MCTP1: variants seen among roughly 807,000 people sequenced by gnomAD.
MCTP1 encodes multiple C2 and transmembrane domain-containing protein 1.
In MCTP1, 69 loss-of-function variants were observed where a neutral mutation model predicts 120.6. That is an observed-to-expected ratio of 0.57 (90% CI 0.47 to 0.70). The LOEUF (loss-of-function observed/expected upper bound fraction) is 0.70, where lower values mean the gene tolerates loss of function less well. Among genes scored for constraint, MCTP1 ranks in the 30% least tolerant of loss-of-function variants. The probability of loss-of-function intolerance (pLI) is 0.00; values close to 1 mark genes in which losing one functional copy is unlikely to be tolerated. For missense variants in MCTP1, 1,203 were observed against 1,248.8 expected (o/e 0.96, Z 0.55); for synonymous variants, 529 against 493.1 (o/e 1.07, Z -0.96).
chr5:95,154,453 G>A (rs1055426607), intron 1 of MCTP1, among the ~76,000 whole-genome samples: 1 of 152,234 alleles, frequency 6.6e-6, no homozygotes, highest in South Asian at 2.1e-4. Flanking sequence ...AATAGAATGA[G>A]ATGAACTATA....
At chr5:94,721,846 T>TG (rs1339590035) in intron 19 of MCTP1, among the ~76,000 whole-genome samples, 2 of 40,556 alleles carry the variant, frequency 4.9e-5, no homozygotes, top group Non-Finnish European at 1.2e-4. Flanking sequence ...ACTGTTTTGT[T>TG]TTTTTTTTTT....
intron 5 of MCTP1, among the ~76,000 whole-genome samples, chr5:94,933,631 G>T (rs1266951558): frequency 2.0e-5 from 3 of 151,704 alleles, no homozygotes; most frequent in Non-Finnish European, 4.4e-5. Flanking sequence ...ACAATTCATG[G>T]TCACTTATCA....
At chr5:94,955,991 G>C (rs1244963683) in intron 2 of MCTP1, among the ~76,000 whole-genome samples, 1 of 152,226 alleles carries the variant, frequency 6.6e-6, no homozygotes, top group East Asian at 1.9e-4. Flanking sequence ...CCCAGCAGGG[G>C]TCGACAGACA....
At chr5:94,734,577 C>T (rs1460923507) in intron 19 of MCTP1, among the ~76,000 whole-genome samples, 1 of 152,094 alleles carries the variant, frequency 6.6e-6, no homozygotes, top group African/African-American at 2.4e-5. Context: ...CCCACTTCAG[C>T]CTCCCAAGTA....
chr5:95,278,800 T>G (rs1760070375), intron 1 of MCTP1, among the ~76,000 whole-genome samples: 1 of 151,288 alleles, frequency 6.6e-6, no homozygotes. Flanking sequence ...CCGTCTCTAC[T>G]AAAAATACAA....
chr5:94,892,643 G>A (rs1390192698), intron 11 of MCTP1, among the ~76,000 whole-genome samples: 1 of 152,212 alleles, frequency 6.6e-6, no homozygotes, highest in Admixed American at 6.5e-5. Context: ...AACAGCAATG[G>A]AGGGCTTTTT....
At chr5:94,837,666 T>C (rs1432417158) in intron 17 of MCTP1, among the ~76,000 whole-genome samples, 3 of 152,200 alleles carry the variant, frequency 2.0e-5, no homozygotes, top group East Asian at 3.8e-4. Flanking sequence ...CTGGAGCTAG[T>C]TTTCTTCAAG....
chr5:95,015,493 T>C (rs1836917762), intron 2 of MCTP1, among the ~76,000 whole-genome samples: 1 of 152,168 alleles, frequency 6.6e-6, no homozygotes, highest in African/African-American at 2.4e-5. Flanking sequence ...TCTTGCCATC[T>C]GTTATTTACC....
intron 1 of MCTP1, among the ~76,000 whole-genome samples, chr5:95,212,941 T>C (rs1280271330): frequency 8.5e-5 from 13 of 152,198 alleles, no homozygotes; most frequent in Admixed American, 7.2e-4. Flanking sequence ...GCATTCCCTT[T>C]GAAAACCGGC....
At chr5:95,118,254 G>A (rs886390980) in intron 1 of MCTP1, among the ~76,000 whole-genome samples, 2 of 152,092 alleles carry the variant, frequency 1.3e-5, no homozygotes, top group Non-Finnish European at 2.9e-5. Context: ...AAGAGGTTAA[G>A]GTGTAGAGTT....
rs535498049 is a variant in MCTP1, at chr5:95,208,177, C to T, written c.720+75679G>A. ...TGATCTCGGCTCACTGCAACCTCCA[C>T]CTCCGGGGTTCAAGCAATTCTCCTG... On this transcript the variant is annotated intron_variant, in intron 1 of 22. Transcript: ENST00000515393. Among the ~76,000 whole-genome samples the T allele has an allele frequency of 1.1e-4, 17 of 152,292 alleles. No individual in the cohort carries two copies. In the South Asian group the frequency reaches 3.3e-3, roughly 30 times the overall value.
rs188447471 is a variant in MCTP1 at position 95,192,212 on chromosome 5, T to C, written c.720+91644A>G. 2.0e-5 allele frequency among the ~76,000 whole-genome samples: 3 copies of C among 152,110 alleles called. No homozygotes were observed. In the East Asian group the frequency reaches 5.8e-4, roughly 29 times the overall value. Reference sequence around the variant, plus strand: ...TAAATTTAGTAAAACAGACATGTTTTTGAGTAAGTTTTTTCCAACATGTGG... The same window carrying C: ...TAAATTTAGTAAAACAGACATGTTTCTGAGTAAGTTTTTTCCAACATGTGG... On this transcript the variant is annotated intron_variant, in intron 1 of 22. Coordinates refer to ENST00000515393, the MANE Select transcript of MCTP1 (RefSeq NM_024717.7).
At chr5:94,953,141 C>A (rs1821050769) in intron 3 of MCTP1, 78 bp downstream of exon 3, 3 of 1,352,232 alleles carry the variant, frequency 2.2e-6, no homozygotes, top group Non-Finnish European at 3.0e-6. Context: ...TCTCATCAGA[C>A]AAAGAAACAT....
intron 19 of MCTP1, among the ~76,000 whole-genome samples, chr5:94,770,102 G>A (rs971113359): frequency 1.3e-5 from 2 of 152,212 alleles, no homozygotes; most frequent in East Asian, 1.9e-4. Flanking sequence ...AGTTTCAGGC[G>A]GAATAAAAAT....
intron 1 of MCTP1, among the ~76,000 whole-genome samples, chr5:95,161,406 T>G (rs780766921): frequency 6.6e-6 from 1 of 151,728 alleles, no homozygotes; most frequent in Admixed American, 6.6e-5. Flanking sequence ...CTCACAGAAG[T>G]AGAGAATAGA....
intron 17 of MCTP1, among the ~76,000 whole-genome samples, chr5:94,825,012 G>T (rs1210232605): frequency 6.6e-6 from 1 of 152,106 alleles, no homozygotes; most frequent in African/African-American, 2.4e-5. Flanking sequence ...TGATTGTTTT[G>T]AAGGGTTTTT....
chr5:94,971,729 T>C (rs904754220), intron 2 of MCTP1, among the ~76,000 whole-genome samples: 5 of 152,100 alleles, frequency 3.3e-5, no homozygotes, highest in Admixed American at 2.6e-4. Flanking sequence ...AGACTTGAGT[T>C]CCAAAATCAC....
chr5:95,238,480 T>C (rs976252506), intron 1 of MCTP1, among the ~76,000 whole-genome samples: 1 of 152,140 alleles, frequency 6.6e-6, no homozygotes, highest in African/African-American at 2.4e-5. Flanking sequence ...TAACACCTCA[T>C]TGTTACTCCT....
At chr5:94,867,169 A>G (rs1168806938) in intron 17 of MCTP1, 3 of 1,308,232 alleles carry the variant, frequency 2.3e-6, no homozygotes, top group Non-Finnish European at 3.0e-6. Context: ...TATATTTATT[A>G]TAAGAAAGAG....
Sources: allele counts gnomAD v4.1 joint callset (sites outside exome capture counted in the v4.1 genomes callset), GRCh38; gene constraint gnomAD v4.1.1; transcripts MANE v1.5; gene names NCBI Gene and HGNC (gene_info 2026-07-23, HGNC 2026-07-21).